Variants in PARD3 observed in about 807,000 individuals in gnomAD.
The protein encoded by PARD3 is partitioning defective 3 homolog.
PARD3 carries 75 observed loss-of-function variants against 155.4 expected under a neutral mutation model. The observed-to-expected ratio is 0.48, with a 90% CI of 0.40 to 0.58. PARD3 has a LOEUF of 0.58. Ranked by LOEUF, PARD3 falls within the 20% of genes least tolerant of loss-of-function variation. The pLI is 0.00. For missense variants in PARD3, 1,642 were observed against 1,721.7 expected, an observed-to-expected ratio of 0.95 and a Z score of 0.82; for synonymous variants, 576 against 610.5, an observed-to-expected ratio of 0.94 and a Z score of 0.83.
At chr10:34,718,778 C>T (rs1279730216) in intron 1 of PARD3, among the ~76,000 whole-genome samples, 2 of 152,142 alleles carry the variant, frequency 1.3e-5, no homozygotes, top group East Asian at 3.9e-4. Flanking sequence ...GCCTGACCAA[C>T]ATGGTGAAAC....
At chr10:34,747,581 T>A (rs1009847613) in intron 1 of PARD3, among the ~76,000 whole-genome samples, 1 of 152,202 alleles carries the variant, frequency 6.6e-6, no homozygotes, top group Admixed American at 6.5e-5. Flanking sequence ...TCTTTGCCAA[T>A]ACCCTCTTCA....
chr10:34,175,350 T>C (rs997358330), intron 22 of PARD3, among the ~76,000 whole-genome samples: 2 of 152,232 alleles, frequency 1.3e-5, no homozygotes, highest in Admixed American at 6.5e-5. Context: ...TTATGCTTTC[T>C]GCTAGTGTGT....
intron 5 of PARD3, among the ~76,000 whole-genome samples, chr10:34,416,915 C>T (rs1845732254): frequency 6.6e-6 from 1 of 152,246 alleles, no homozygotes; most frequent in Non-Finnish European, 1.5e-5. Context: ...AGCTGTCCTT[C>T]ATCATTCCTG....
At chr10:34,651,010 T>TTAAAAAAAAAAAAA (rs2092994493) in intron 2 of PARD3, among the ~76,000 whole-genome samples, 1 of 31,758 alleles carries the variant, frequency 3.1e-5, no homozygotes, top group South Asian at 1.7e-3. Context: ...AAACTCTGTC[T>TTAAAAAAAAAAAAA]CAAAAAAAAA....
chr10:34,438,475 C>T (rs181398605), intron 5 of PARD3, among the ~76,000 whole-genome samples: 4 of 151,984 alleles, frequency 2.6e-5, no homozygotes, highest in African/African-American at 9.7e-5. Flanking sequence ...GTTTATAGCC[C>T]ATAATTAATG....
intron 20 of PARD3, among the ~76,000 whole-genome samples, chr10:34,308,744 A>T (rs1957542574): frequency 6.6e-6 from 1 of 152,190 alleles, no homozygotes; most frequent in Non-Finnish European, 1.5e-5. Context: ...TTTGAGAGTC[A>T]TCTGCCTATA....
intron 22 of PARD3, among the ~76,000 whole-genome samples, chr10:34,263,314 T>C (rs1955120316): frequency 6.6e-6 from 1 of 152,082 alleles, no homozygotes; most frequent in Non-Finnish European, 1.5e-5. Context: ...ATTATCCCCA[T>C]ATTATAGATG....
At chr10:34,731,406 C>T (rs1048456982) in intron 1 of PARD3, among the ~76,000 whole-genome samples, 4 of 152,176 alleles carry the variant, frequency 2.6e-5, no homozygotes, top group African/African-American at 9.7e-5. Flanking sequence ...ATAAAAGTTA[C>T]ACTTGCTGCT....
At chr10:34,754,011 G>A (rs945692253) in intron 1 of PARD3, among the ~76,000 whole-genome samples, 5 of 151,784 alleles carry the variant, frequency 3.3e-5, no homozygotes, top group African/African-American at 7.3e-5. Flanking sequence ...TGGAATTCTG[G>A]TTTTATTTAT....
rs190103431 is a variant in PARD3, at chr10:34,765,020, A to T, written c.120+49856T>A. ...CAGTGCCACCCACAGCAGGAAAGAC[A>T]GCTATTTGCCAACTATTAGACTTTA... On this transcript the variant is annotated intron_variant, in intron 1 of 24. Coordinates refer to ENST00000374788, the MANE Select transcript of PARD3 (RefSeq NM_001184785.2). 8.5e-5 allele frequency among the ~76,000 whole-genome samples: 13 copies of T among 152,324 alleles called. No homozygotes were observed. In the East Asian group the frequency reaches 2.5e-3, roughly 29 times the overall value.
chr10:34,596,329 T>C (rs1436169310), intron 2 of PARD3, among the ~76,000 whole-genome samples: 1 of 152,178 alleles, frequency 6.6e-6, no homozygotes, highest in Non-Finnish European at 1.5e-5. Flanking sequence ...TTAAAGCCCT[T>C]GTATTAGTCT....
intron 10 of PARD3, among the ~76,000 whole-genome samples, chr10:34,375,230 C>T (rs1020382009): frequency 6.6e-6 from 1 of 152,140 alleles, no homozygotes; most frequent in African/African-American, 2.4e-5. Flanking sequence ...AGTGGTCAAT[C>T]TTTTAGTGTT....
chr10:34,444,072 TAAAACATGGAA>T (rs1249882620), intron 5 of PARD3, among the ~76,000 whole-genome samples: 2 of 152,184 alleles, frequency 1.3e-5, no homozygotes, highest in Non-Finnish European at 2.9e-5. Flanking sequence ...GAGAGAGCCC[TAAAACATGGAA>T]AAAACATGGA....
rs552748860 is a variant in PARD3 at position 34,538,044 on chromosome 10, G to A, written c.223-20885C>T. On this transcript the variant is annotated intron_variant, in intron 2 of 24. Transcript: ENST00000374788. ...CAAAGTGTGACACTTCATCCTAAGT[G>A]TAATAAATGAACAAAACAGAATATT... Among the ~76,000 whole-genome samples the A allele has an allele frequency of 3.3e-5, 5 of 152,324 alleles. No individual in the cohort carries two copies. In the South Asian group the frequency reaches 1.0e-3, roughly 32 times the overall value.
chr10:34,413,140 T>TAC (rs774389489), intron 5 of PARD3, among the ~76,000 whole-genome samples: 2,163 of 113,808 alleles, frequency 0.019, 77 homozygotes, highest in African/African-American at 0.063. Flanking sequence ...ACTTCAGATA[T>TAC]ATATACACAC....
intron 1 of PARD3, among the ~76,000 whole-genome samples, chr10:34,732,998 TC>T (rs1169897353): frequency 6.6e-6 from 1 of 152,070 alleles, no homozygotes; most frequent in Non-Finnish European, 1.5e-5. Flanking sequence ...TAGTGTCTCT[TC>T]CCCACCTCCC....
At chr10:34,455,134 G>C (rs115162537) in intron 4 of PARD3, among the ~76,000 whole-genome samples, 286 of 152,266 alleles carry the variant, frequency 1.9e-3, no homozygotes, top group African/African-American at 6.6e-3. Context: ...AAGCATTATA[G>C]AAGTCATAAA....
chr10:34,352,366 C>T (rs1437764483), intron 14 of PARD3, among the ~76,000 whole-genome samples: 1 of 152,150 alleles, frequency 6.6e-6, no homozygotes, highest in African/African-American at 2.4e-5. Context: ...CCCTCTCCCT[C>T]CACTTTCCAT....
intron 1 of PARD3, among the ~76,000 whole-genome samples, chr10:34,764,861 G>A (rs2134043879): frequency 6.6e-6 from 1 of 152,198 alleles, no homozygotes; most frequent in South Asian, 2.1e-4. Flanking sequence ...CATTAGCCCA[G>A]CACACAGTGC....
Sources: gnomAD v4.1 joint callset for allele counts (sites outside exome capture counted in the v4.1 genomes callset) on GRCh38, gnomAD v4.1.1 for gene constraint, MANE v1.5 for transcripts, NCBI Gene and HGNC (gene_info 2026-07-23, HGNC 2026-07-21) for gene names.